The following PCDH15 variants were observed in gnomAD, a reference collection of about 807,000 sequenced individuals.
PCDH15 encodes protocadherin related 15.
In PCDH15, 129 loss-of-function variants were observed where a neutral mutation model predicts 178.5. The ratio of observed to expected loss-of-function variants is 0.72; its 90% CI spans 0.63 to 0.84. The LOEUF is 0.84. PCDH15 is among the 40% of genes least tolerant of loss of function. PCDH15 has a pLI of 0.00. For synonymous variants in PCDH15, 800 were observed against 732.0 expected (o/e 1.09, Z -1.50); for missense variants, 2,230 against 2,099.9 (o/e 1.06, Z -1.21).
At chr10:55,588,758 G>T (rs759938111) in intron 2 of PCDH15, among the ~76,000 whole-genome samples, 4 of 152,030 alleles carry the variant, frequency 2.6e-5, no homozygotes, top group African/African-American at 9.7e-5. Context: ...ATAAAATTTT[G>T]CTCTAGCAAC....
intron 28 of PCDH15, among the ~76,000 whole-genome samples, chr10:53,849,688 C>T (rs942352318): frequency 2.6e-5 from 4 of 151,558 alleles, no homozygotes; most frequent in African/African-American, 9.7e-5. Context: ...CACGGTGAAA[C>T]CTCGTCTCTA....
At chr10:55,237,066 T>A (rs1271387540) in intron 1 of PCDH15, among the ~76,000 whole-genome samples, 2 of 152,244 alleles carry the variant, frequency 1.3e-5, no homozygotes, top group African/African-American at 2.4e-5. Flanking sequence ...AAACTATAAA[T>A]TTATGTATTA....
At chr10:54,152,745 C>A (rs1771025988) in intron 14 of PCDH15, among the ~76,000 whole-genome samples, 1 of 151,672 alleles carries the variant, frequency 6.6e-6, no homozygotes, top group Non-Finnish European at 1.5e-5. Flanking sequence ...TATTTAAATA[C>A]ATGTATTATT....
At chr10:55,543,796 G>C (rs1159483893) in intron 2 of PCDH15, among the ~76,000 whole-genome samples, 1 of 151,564 alleles carries the variant, frequency 6.6e-6, no homozygotes, top group African/African-American at 2.4e-5. Flanking sequence ...AAATGTATGA[G>C]CTACCATCAA....
At chr10:55,251,786 A>G (rs940010333) in intron 1 of PCDH15, among the ~76,000 whole-genome samples, 2 of 152,210 alleles carry the variant, frequency 1.3e-5, no homozygotes, top group African/African-American at 4.8e-5. Context: ...ATGATGCAGT[A>G]ATAAACAGTC....
chr10:54,874,629 T>C (rs990375782), intron 3 of PCDH15, among the ~76,000 whole-genome samples: 1 of 152,028 alleles, frequency 6.6e-6, no homozygotes, highest in Non-Finnish European at 1.5e-5. Context: ...CAGTTTTCTT[T>C]AAATAAAATG....
chr10:54,897,911 A>C (rs574957441), intron 2 of PCDH15, among the ~76,000 whole-genome samples: 1 of 152,282 alleles, frequency 6.6e-6, no homozygotes, highest in South Asian at 2.1e-4. Context: ...TGATGATTAC[A>C]CCTGGGTATT....
intron 20 of PCDH15, among the ~76,000 whole-genome samples, chr10:54,016,098 G>C (rs1490144828): frequency 6.6e-6 from 1 of 152,044 alleles, no homozygotes; most frequent in East Asian, 1.9e-4. Flanking sequence ...CACTTAAAAA[G>C]TGGGCAAAAG....
At chr10:54,324,858 T>A (rs2061839347) in intron 7 of PCDH15, among the ~76,000 whole-genome samples, 1 of 152,084 alleles carries the variant, frequency 6.6e-6, no homozygotes, top group South Asian at 2.1e-4. Flanking sequence ...CTTATATATT[T>A]CACTCAGGAT....
At chr10:54,447,136 C>T (rs2076189236) in intron 3 of PCDH15, among the ~76,000 whole-genome samples, 1 of 151,568 alleles carries the variant, frequency 6.6e-6, no homozygotes, top group South Asian at 2.1e-4. Flanking sequence ...TATCTCTAAG[C>T]GTTGGTGTGT....
intron 2 of PCDH15, among the ~76,000 whole-genome samples, chr10:55,089,473 A>C (rs1222360164): frequency 1.8e-4 from 27 of 152,284 alleles, no homozygotes; most frequent in Non-Finnish European, 1.0e-4. Flanking sequence ...AATTCAAATT[A>C]AGAACAGCAA....
intron 18 of PCDH15, among the ~76,000 whole-genome samples, chr10:54,042,855 A>G (rs1037641671): frequency 1.3e-5 from 2 of 152,124 alleles, no homozygotes; most frequent in African/African-American, 2.4e-5. Context: ...AAAGTAAGAT[A>G]CTATTTACAT....
intron 2 of PCDH15, among the ~76,000 whole-genome samples, chr10:55,532,442 T>G (rs1841475483): frequency 6.6e-6 from 1 of 152,080 alleles, no homozygotes; most frequent in Admixed American, 6.6e-5. Context: ...TAACAAACAT[T>G]TTCTGAGTGA....
At chr10:55,580,820 G>A (rs77382528) in intron 2 of PCDH15, among the ~76,000 whole-genome samples, 2 of 152,254 alleles carry the variant, frequency 1.3e-5, no homozygotes, top group Middle Eastern at 3.4e-3. Flanking sequence ...CATCTTCACA[G>A]GCTATTGTCC....
intron 2 of PCDH15, among the ~76,000 whole-genome samples, chr10:55,336,145 A>G (rs567158408): frequency 6.7e-6 from 1 of 150,048 alleles, no homozygotes; most frequent in Admixed American, 6.6e-5. Flanking sequence ...AAAAAAAAAA[A>G]AAAAAAAAAC....
intron 25 of PCDH15, among the ~76,000 whole-genome samples, chr10:53,914,059 A>G (rs964945556): frequency 1.3e-5 from 2 of 152,312 alleles, no homozygotes; most frequent in Non-Finnish European, 2.9e-5. Flanking sequence ...CAAAACCACA[A>G]TAAGATACCA....
chr10:54,758,984 C>T (rs1490886300), intron 1 of PCDH15, among the ~76,000 whole-genome samples: 3 of 152,030 alleles, frequency 2.0e-5, no homozygotes, highest in East Asian at 3.9e-4. Context: ...CCTACTGACT[C>T]GCCTCTTATC....
rs151117683 is a variant in PCDH15, at chr10:54,688,420, T to C, written c.-28-24130A>G. 4.4e-3 allele frequency among the ~76,000 whole-genome samples: 663 copies of C among 152,208 alleles called. 2 individuals carry two copies. Among genetic ancestry groups the C allele is most frequent in the African/African-American group, 0.014 (579 of 41,552 alleles). On this transcript the variant is annotated intron_variant, in intron 1 of 37. Transcript: ENST00000644397. ...AATCTGACTCTGGCTAACTATATAC[T>C]GAATAGAATGCTTAATGTATTTTAA...
At chr10:53,943,153 A>C (rs2921912) in intron 23 of PCDH15, among the ~76,000 whole-genome samples, 4 of 151,902 alleles carry the variant, frequency 2.6e-5, no homozygotes, top group African/African-American at 9.7e-5. Context: ...TATGGAAACA[A>C]GACGTCTGCA....
Sources: allele counts gnomAD v4.1 joint callset (sites outside exome capture counted in the v4.1 genomes callset), GRCh38; gene constraint gnomAD v4.1.1; transcripts MANE v1.5; gene names NCBI Gene and HGNC (gene_info 2026-07-23, HGNC 2026-07-21).